The following RADIL variants were observed in gnomAD, a reference collection of about 807,000 sequenced individuals.
The protein encoded by RADIL is Rap associating with DIL domain, also known as ras-associating and dilute domain-containing protein.
RADIL carries 99 observed loss-of-function variants against 97.6 expected under a neutral mutation model. The observed-to-expected ratio is 1.01, with a 90% CI of 0.86 to 1.20. RADIL has a LOEUF of 1.20. RADIL is among the 50% of genes most tolerant of loss of function. The pLI is 0.00. For synonymous variants in RADIL, 803 were observed against 691.8 expected (o/e 1.16, Z -2.52); for missense variants, 1,765 against 1,498.9 (o/e 1.18, Z -2.93).
intron 2 of RADIL, chr7:4,838,186 C>T (rs1783352414): frequency 2.6e-6 from 1 of 377,582 alleles, no homozygotes. Context: ...GCGGCAGGTG[C>T]CCAGCAGGTG....
intron 2 of RADIL, among the ~76,000 whole-genome samples, chr7:4,852,521 T>C (rs1242162545): frequency 6.6e-6 from 1 of 152,194 alleles, no homozygotes; most frequent in Non-Finnish European, 1.5e-5. Context: ...TGTTCAAAGC[T>C]CACTGCAACC....
chr7:4,822,526 C>T lies in RADIL; in HGVS notation c.1483G>A (p.Ala495Thr), dbSNP rs187268341. 1.2e-4 allele frequency: 198 copies of T among 1,612,958 alleles called. No homozygotes were observed. The East Asian group carries it at 3.5e-3, about 29-fold the overall frequency. Residue 495 changes from alanine (A) to threonine (T), a missense_variant, in exon 6 of 15, where the codon GCC becomes ACC. Transcript: ENST00000399583. This position sits in a 1 kb window ranked among gnomAD's most constrained non-coding sequence, Gnocchi z 5.3. Reference protein sequence around the residue: ...LQEPISLASCAMADLVPDLQP... With the variant: ...LQEPISLASCTMADLVPDLQP... Reference sequence around the variant, plus strand: ...AAGTCTGGAACCAGATCAGCCATGGCGCAGCTGGCCAGCGAGATGGGCTCC... The same window carrying T: ...AAGTCTGGAACCAGATCAGCCATGGTGCAGCTGGCCAGCGAGATGGGCTCC...
chr7:4,799,719 G>T lies in RADIL; in HGVS notation c.3033C>A (p.Gly1011=). The change falls in exon 14 of 15, where the codon GGC becomes GGA. Residue 1011 remains glycine, a synonymous_variant. Coordinates refer to ENST00000399583, the MANE Select transcript of RADIL (RefSeq NM_018059.5). ...GGCGCCCGTCGGCCGCTGCGGGGCT[G>T]CCCGGGAGCAGGGTCTGGATGTAGA... The part of the protein sequence containing the change: ...PGLYIQTLLP[G]SPAAADGRLS... 6.4e-7 allele frequency: 1 copy of T among 1,566,194 alleles called. No individual in the cohort carries two copies. The highest frequency in any genetic ancestry group is 8.6e-7 in the Non-Finnish European group (1 of 1,158,574).
intron 2 of RADIL, among the ~76,000 whole-genome samples, chr7:4,870,196 G>A (rs887169285): frequency 6.6e-6 from 1 of 152,126 alleles, no homozygotes; most frequent in Admixed American, 6.5e-5. Context: ...GTCTTGCAAG[G>A]ACAGCACGGC....
chr7:4,822,647 T>C lies in RADIL; in HGVS notation c.1455-93A>G. 7.1e-7 allele frequency: 1 copy of C among 1,414,966 alleles called. No individual in the cohort carries two copies. Among genetic ancestry groups the C allele is most frequent in the Non-Finnish European group, 9.6e-7 (1 of 1,043,368 alleles). The allele number at this position is 1,414,966 out of a possible 1,614,324, so 87.7% of individuals were successfully genotyped here. ...TTCTACATAAGGATGCGCGTTTTCATGGGACGCTGACAACAACTGCAACCA... is the reference window on the plus strand; with the variant it reads ...TTCTACATAAGGATGCGCGTTTTCACGGGACGCTGACAACAACTGCAACCA... On this transcript the variant is annotated intron_variant, in intron 5 of 14. Coordinates refer to ENST00000399583, the MANE Select transcript of RADIL (RefSeq NM_018059.5). This position sits in a 1 kb window ranked among gnomAD's most constrained non-coding sequence, Gnocchi z 5.3.
intron 2 of RADIL, among the ~76,000 whole-genome samples, chr7:4,874,239 T>A (rs1023522759): frequency 6.6e-6 from 1 of 152,254 alleles, no homozygotes; most frequent in Non-Finnish European, 1.5e-5. Context: ...CAGGTACCCA[T>A]GTGTCACCAC....
At chr7:4,807,159 C>T (rs563444474) in intron 9 of RADIL, among the ~76,000 whole-genome samples, 1 of 152,184 alleles carries the variant, frequency 6.6e-6, no homozygotes, top group South Asian at 2.1e-4. Flanking sequence ...CTGTTTCTCT[C>T]CCATGTGTTT....
chr7:4,829,909 G>A (rs1783094060), intron 5 of RADIL, among the ~76,000 whole-genome samples: 1 of 152,118 alleles, frequency 6.6e-6, no homozygotes, highest in African/African-American at 2.4e-5. Context: ...GTCTTTATTA[G>A]CAGCGTGAGA....
At chr7:4,808,518 A>T in intron 9 of RADIL, 2 of 937,110 alleles carry the variant, frequency 2.1e-6, no homozygotes, top group Non-Finnish European at 2.5e-6. Context: ...TCACGTTTTT[A>T]AAGGGTTTGA....
Position 4,819,560 on chromosome 7 carries a change from C to T in RADIL, c.1616-2209G>A, listed in dbSNP as rs1245771963. Among the ~76,000 whole-genome samples the T allele has an allele frequency of 3.3e-5, 5 of 152,162 alleles. No homozygotes were observed. Among genetic ancestry groups the T allele is most frequent in the Admixed American group, 1.3e-4 (2 of 15,276 alleles). ...AGAAGAAGGCGCTGAGCTCCAGCCA[C>T]GAGGAGAATCTGAGGCGCACACGAT... is the stretch of plus-strand genomic sequence containing the variant. On this transcript the variant is annotated intron_variant, in intron 6 of 14. Coordinates refer to ENST00000399583, the MANE Select transcript of RADIL (RefSeq NM_018059.5). The surrounding 1 kb of genome is among the most constrained non-coding windows in gnomAD (Gnocchi z 5.8).
In RADIL at chr7:4,803,647, G is replaced by C; in HGVS notation, c.2398C>G (p.Leu800Val). Residue 800 changes from leucine (L) to valine (V), a missense_variant, in exon 11 of 15, where the codon CTG (leucine) becomes GTG (valine). Coordinates refer to ENST00000399583, the MANE Select transcript of RADIL (RefSeq NM_018059.5). ...CACAGAAAGTGGCGGACGTAGAGCA[G>C]GTGCTGGTAGATGCTGTCGTCCAGG... ...NCLDDSIYQH[L>V]LYVRHFLWGL... 1 of 1,550,650 alleles carries C rather than the reference G, an allele frequency of 6.4e-7. No individual in the cohort carries two copies. Among genetic ancestry groups the C allele is most frequent in the Non-Finnish European group, 8.7e-7 (1 of 1,147,310 alleles).
At chr7:4,828,674 A>G (rs891491053) in intron 5 of RADIL, among the ~76,000 whole-genome samples, 4 of 152,210 alleles carry the variant, frequency 2.6e-5, no homozygotes, top group Non-Finnish European at 4.4e-5. Flanking sequence ...CAGGTGTGGG[A>G]TCACGGGGGA....
rs1174050069 is a variant in RADIL, at chr7:4,873,344, T to C, written c.535+4261A>G. Among the ~76,000 whole-genome samples, 1 of 152,168 alleles carries C rather than the reference T, an allele frequency of 6.6e-6. No individual in the cohort carries two copies. The highest frequency in any genetic ancestry group is 1.5e-5 in the Non-Finnish European group (1 of 68,026). On this transcript the variant is annotated intron_variant, in intron 2 of 14. Coordinates refer to ENST00000399583, the MANE Select transcript of RADIL (RefSeq NM_018059.5). The surrounding 1 kb of genome is among the most constrained non-coding windows in gnomAD (Gnocchi z 4.3). ...ACAAACGTACATGGTCACACATGCA[T>C]GCACACACATGCACACCACACAGAC... is the stretch of plus-strand genomic sequence containing the variant.
At position 4,854,431 on chromosome 7, in the gene RADIL, C is replaced by T. The variant is rs1324674056; in HGVS notation, c.536-17826G>A. Among the ~76,000 whole-genome samples, 2 of 152,150 alleles carry T rather than the reference C, an allele frequency of 1.3e-5. No homozygotes were observed. Among genetic ancestry groups the T allele is most frequent in the Non-Finnish European group, 2.9e-5 (2 of 68,030 alleles). Reference sequence around the variant, plus strand: ...ACTTTGGGCCGGGCGCGGTGGCTCACGCCTGTAATCCCAGCACGTTGGGAG... The same window carrying T: ...ACTTTGGGCCGGGCGCGGTGGCTCATGCCTGTAATCCCAGCACGTTGGGAG... On this transcript the variant is annotated intron_variant, in intron 2 of 14. Transcript: ENST00000399583. The surrounding 1 kb of genome is among the most constrained non-coding windows in gnomAD (Gnocchi z 5.1).
Position 4,825,329 on chromosome 7 carries a change from G to T in RADIL, c.1455-2775C>A, listed in dbSNP as rs375946123. Among the ~76,000 whole-genome samples, 198 of 152,278 alleles carry T rather than the reference G, an allele frequency of 1.3e-3. 1 individual carries two copies. The highest frequency in any genetic ancestry group is 4.2e-3 in the African/African-American group (174 of 41,564). On this transcript the variant is annotated intron_variant, in intron 5 of 14. Coordinates refer to ENST00000399583, the MANE Select transcript of RADIL (RefSeq NM_018059.5). ...GGGAAGCACTGGAGTCCCACTCCTG[G>T]GAACCAAGGCGATGGAAACACTCGC...
chr7:4,799,511 G>A lies in RADIL; in HGVS notation c.3123-28C>T, dbSNP rs756432418. 6 of 1,613,366 alleles carry A rather than the reference G, an allele frequency of 3.7e-6. No individual in the cohort carries two copies. The Admixed American group carries it at 8.3e-5, about 22-fold the overall frequency. The stretch of plus-strand genomic sequence containing the variant: ...GAAATCCATGCCAGAGGTGGGGGTG[G>A]GCAGGAGGGCACCAGGGGAGACCCA... On this transcript the variant is annotated intron_variant, in intron 14 of 14. Transcript: ENST00000399583.
Position 4,841,835 on chromosome 7 carries a change from G to A in RADIL, c.536-5230C>T, listed in dbSNP as rs138724673. Among the ~76,000 whole-genome samples, 395 of 152,334 alleles carry A rather than the reference G, an allele frequency of 2.6e-3. 2 individuals are homozygous for A. The highest frequency in any genetic ancestry group is 9.1e-3 in the African/African-American group (377 of 41,564). On this transcript the variant is annotated intron_variant, in intron 2 of 14. Transcript: ENST00000399583. ...TGTAATCCCAGCACTTTGGGAGGCC[G>A]AGGCGGGAGGATGGCTTGGGTTCAA...
Position 4,834,922 on chromosome 7 carries a change from C to G in RADIL, c.1101G>C (p.Arg367=). The change falls in exon 4 of 15, where the codon CGG becomes CGC. Residue 367 remains arginine, a synonymous_variant. Transcript: ENST00000399583. This position sits in a 1 kb window ranked among gnomAD's most constrained non-coding sequence, Gnocchi z 6.0. ...DPAQAQPLPA[R]ALARLRAVPQ... ...GCACAGCCCGGAGGCGCGCCAAGGC[C>G]CGGGCGGGCAGGGGCTGGGCCTGCG... The G allele has an allele frequency of 6.4e-7, 1 of 1,566,958 alleles. No individual in the cohort carries two copies. Among genetic ancestry groups the G allele is most frequent in the Non-Finnish European group, 8.6e-7 (1 of 1,157,558 alleles).
At chr7:4,852,448 A>G (rs570127425) in intron 2 of RADIL, among the ~76,000 whole-genome samples, 16 of 152,008 alleles carry the variant, frequency 1.1e-4, no homozygotes, top group African/African-American at 3.6e-4. Context: ...TCCTCCTATT[A>G]TTTATTTATG....
Sources: allele counts gnomAD v4.1 joint callset (sites outside exome capture counted in the v4.1 genomes callset), GRCh38; gene constraint gnomAD v4.1.1; non-coding constraint Gnocchi (gnomAD v3.1); transcripts MANE v1.5; gene names NCBI Gene and HGNC (gene_info 2026-07-23, HGNC 2026-07-21).